TBX15: variants seen among roughly 807,000 people sequenced by gnomAD.
The protein encoded by TBX15 is T-box transcription factor TBX15.
In TBX15, 18 loss-of-function variants were observed where a neutral mutation model predicts 53.9. The ratio of observed to expected loss-of-function variants is 0.33; its 90% CI spans 0.23 to 0.49. The LOEUF (loss-of-function observed/expected upper bound fraction) is 0.49, where lower values mean the gene tolerates loss of function less well. Among genes scored for constraint, TBX15 ranks in the 20% least tolerant of loss-of-function variants. TBX15 has a pLI of 0.98. For synonymous variants in TBX15, 295 were observed against 278.0 expected, an observed-to-expected ratio of 1.06 and a Z score of -0.61; for missense variants, 692 against 749.5, an observed-to-expected ratio of 0.92 and a Z score of 0.90.
intron 5 of TBX15, among the ~76,000 whole-genome samples, chr1:118,914,684 C>G (rs766835632): frequency 1.3e-5 from 2 of 152,152 alleles, no homozygotes; most frequent in Non-Finnish European, 2.9e-5. Flanking sequence ...ACTGCATTTG[C>G]CATTTCACTG....
chr1:118,946,013 C>A (rs1656335600), intron 1 of TBX15, among the ~76,000 whole-genome samples: 1 of 152,054 alleles, frequency 6.6e-6, no homozygotes, highest in South Asian at 2.1e-4. Context: ...GCAGATTTCC[C>A]TTTTTATACC....
At chr1:118,975,607 G>A in intron 1 of TBX15, among the ~76,000 whole-genome samples, 1 of 152,156 alleles carries the variant, frequency 6.6e-6, no homozygotes, top group East Asian at 1.9e-4. Flanking sequence ...TGCAACTGTG[G>A]GTGAGCTATT....
intron 1 of TBX15, 92 bp downstream of exon 1, chr1:118,987,499 T>C: frequency 4.3e-6 from 6 of 1,398,422 alleles, no homozygotes; most frequent in Non-Finnish European, 5.7e-6. Context: ...AGGGCGTCAA[T>C]GGCAGGGCCT....
intron 1 of TBX15, 147 bp downstream of exon 1, chr1:118,987,444 C>T: frequency 1.9e-6 from 2 of 1,041,728 alleles, no homozygotes; most frequent in Non-Finnish European, 2.7e-6. Flanking sequence ...TAGGGAGGCT[C>T]AGGGCATTTG....
intron 1 of TBX15, among the ~76,000 whole-genome samples, chr1:118,932,704 G>T (rs1302521710): frequency 6.6e-6 from 1 of 152,082 alleles, no homozygotes; most frequent in Non-Finnish European, 1.5e-5. Context: ...AAGTGGGGCT[G>T]GGGGGCAGGG....
intron 1 of TBX15, among the ~76,000 whole-genome samples, chr1:118,981,076 GC>G (rs965583200): frequency 1.3e-5 from 2 of 151,848 alleles, no homozygotes; most frequent in Non-Finnish European, 2.9e-5. Context: ...CGTGATCCCC[GC>G]CCCCCGCCTC....
At chr1:118,948,527 A>G (rs1209646746) in intron 1 of TBX15, among the ~76,000 whole-genome samples, 2 of 152,138 alleles carry the variant, frequency 1.3e-5, no homozygotes, top group Non-Finnish European at 1.5e-5. Flanking sequence ...AAGTTGCTCA[A>G]CTTCTCTAGG....
chr1:118,987,702 G>A lies in TBX15; in HGVS notation c.94C>T (p.Leu32=), dbSNP rs935796438. The A allele has an allele frequency of 7.7e-6, 12 of 1,550,436 alleles. No homozygotes were observed. The Admixed American group carries it at 1.6e-4, about 20-fold the overall frequency. ...AGCCCCTTCTCCTCCCAGTCTCGCA[G>A]TTTCCGTTTTTTATTTGAGCCGATC... ...ALIGSNKKRK[L]RDWEEKGLDL... is the part of the protein sequence containing the mutation. The change falls in exon 1 of 8, where the codon CTG becomes TTG. Residue 32 remains leucine, a synonymous_variant. Coordinates refer to ENST00000369429, the MANE Select transcript of TBX15 (RefSeq NM_001330677.2).
intron 1 of TBX15, among the ~76,000 whole-genome samples, chr1:118,952,018 T>C (rs536816296): frequency 1.3e-5 from 2 of 152,314 alleles, no homozygotes; most frequent in South Asian, 4.1e-4. Flanking sequence ...CACTTATATG[T>C]AGATCTTCTT....
intron 6 of TBX15, among the ~76,000 whole-genome samples, chr1:118,909,830 C>T (rs767501956): frequency 6.6e-6 from 1 of 152,196 alleles, no homozygotes; most frequent in Non-Finnish European, 1.5e-5. Context: ...ATCCACCCAC[C>T]TCGGCCTCCC....
intron 7 of TBX15, among the ~76,000 whole-genome samples, chr1:118,888,715 G>A (rs550816776): frequency 6.6e-6 from 1 of 152,096 alleles, no homozygotes; most frequent in Non-Finnish European, 1.5e-5. Context: ...TGTTTATGTG[G>A]TCCCTGAGGA....
intron 1 of TBX15, among the ~76,000 whole-genome samples, chr1:118,979,944 G>T (rs975734892): frequency 6.6e-6 from 1 of 152,194 alleles, no homozygotes; most frequent in African/African-American, 2.4e-5. Context: ...CCCGTTCGCC[G>T]TTCCGGCCCC....
chr1:118,914,281 G>T, intron 5 of TBX15, 102 bp from the exon 6 acceptor site: 1 of 1,097,384 alleles, frequency 9.1e-7, no homozygotes, highest in Non-Finnish European at 1.4e-6. Flanking sequence ...AACAGTTGTT[G>T]CTTTTATTTA....
rs1414330865 is a variant in TBX15 at position 118,885,525 on chromosome 1, TA to T, written c.1025-10del. The T allele has an allele frequency of 1.9e-5, 30 of 1,568,664 alleles. No individual in the cohort carries two copies. The highest frequency in any genetic ancestry group is 1.7e-4 in the Middle Eastern group (1 of 5,902). On this transcript the variant is annotated splice_polypyrimidine_tract_variant and intron_variant, in intron 7 of 7. Transcript: ENST00000369429. ...AGTGCCTGTGCTGCCTCCTGAAAAA[TA>T]AAACGTGAATACTATTGAGACAGAG...
chr1:118,910,821 T>G (rs1193655255), intron 6 of TBX15, among the ~76,000 whole-genome samples: 1 of 152,180 alleles, frequency 6.6e-6, no homozygotes, highest in African/African-American at 2.4e-5. Context: ...TAGTTTCACC[T>G]GCTAGGGAAG....
chr1:118,905,373 A>G (rs1456615121), intron 6 of TBX15, among the ~76,000 whole-genome samples: 1 of 152,226 alleles, frequency 6.6e-6, no homozygotes, highest in Non-Finnish European at 1.5e-5. Context: ...AATGATCGCC[A>G]ATTTTCTCTG....
intron 1 of TBX15, among the ~76,000 whole-genome samples, chr1:118,948,692 G>T (rs762150371): frequency 1.3e-5 from 2 of 152,156 alleles, no homozygotes; most frequent in African/African-American, 2.4e-5. Context: ...CCTAGTAAAA[G>T]ATCTTGCTAT....
rs568031717 is a variant in TBX15, at chr1:118,939,728, A to T, written c.206-7896T>A. ...ATTGTTTAAAGTTGAAATTTCAAGT[A>T]TAAGGTGAAATTATAAAAAAACTTT... On this transcript the variant is annotated intron_variant, in intron 1 of 7. Transcript: ENST00000369429. Among the ~76,000 whole-genome samples the T allele has an allele frequency of 8.6e-5, 13 of 152,016 alleles. No homozygotes were observed. In the South Asian group the frequency reaches 2.1e-3, roughly 24 times the overall value.
intron 7 of TBX15, among the ~76,000 whole-genome samples, chr1:118,895,543 C>A (rs1161331810): frequency 6.6e-6 from 1 of 152,092 alleles, no homozygotes; most frequent in Non-Finnish European, 1.5e-5. Flanking sequence ...ATTTCCTTTT[C>A]CTTCTATGTT....
Sources: allele counts gnomAD v4.1 joint callset (sites outside exome capture counted in the v4.1 genomes callset), GRCh38; gene constraint gnomAD v4.1.1; transcripts MANE v1.5; gene names NCBI Gene and HGNC (gene_info 2026-07-23, HGNC 2026-07-21).